The following TRIM42 variants were observed in gnomAD, a reference collection of about 807,000 sequenced individuals.
TRIM42 encodes the protein tripartite motif-containing protein 42.
A neutral mutation model predicts 64.9 loss-of-function variants in TRIM42; 59 were observed. The observed-to-expected ratio is 0.91, with a 90% CI of 0.74 to 1.13. The LOEUF is 1.13. Ranked by LOEUF, TRIM42 falls within the 50% of genes most tolerant of loss-of-function variation. The pLI, the probability that TRIM42 is intolerant of heterozygous loss-of-function variation, is 0.00. For missense variants in TRIM42, 878 were observed against 929.5 expected (o/e 0.94, Z 0.72); for synonymous variants, 354 against 346.3 (o/e 1.02, Z -0.25).
intron 4 of TRIM42, among the ~76,000 whole-genome samples, chr3:140,699,719 G>A (rs912790818): frequency 1.3e-5 from 2 of 152,022 alleles, no homozygotes; most frequent in African/African-American, 4.8e-5. Flanking sequence ...GTGTATCTTG[G>A]ACATTATTTA....
In TRIM42 at chr3:140,682,526, G is replaced by A. The variant is rs762886107; in HGVS notation, c.406G>A (p.Ala136Thr). The A allele has an allele frequency of 6.2e-7, 1 of 1,614,198 alleles. No homozygotes were observed. Among genetic ancestry groups the A allele is most frequent in the South Asian group, 1.1e-5 (1 of 91,084 alleles). Residue 136 changes from alanine (A) to threonine (T), a missense_variant, in exon 2 of 5, where the codon GCC (alanine) becomes ACC (threonine). Coordinates refer to ENST00000286349, the MANE Select transcript of TRIM42 (RefSeq NM_152616.5). ...GGTGGATGAAGTAAAGTCAATACCA[G>A]CCAACAGTCACCTGGTGAACCACCT... ...TQVDEVKSIP[A>T]NSHLVNHLNC... is the part of the protein sequence containing the mutation.
At chr3:140,683,713 T>G (rs184632580) in intron 2 of TRIM42, among the ~76,000 whole-genome samples, 5 of 152,338 alleles carry the variant, frequency 3.3e-5, no homozygotes, top group Admixed American at 2.0e-4. Flanking sequence ...AACTTGCAGA[T>G]GCCAAAGTAA....
rs201744144 is a variant in TRIM42 at position 140,682,701 on chromosome 3, C to T, written c.581C>T (p.Ser194Leu). ...CTCATCTGCCCAGTGTGCGACCGCT[C>T]GCACTGCATGCCCTACAGCAACAAG... Reference protein sequence around the residue: ...FILICPVCDRSHCMPYSNKMQ... With the variant: ...FILICPVCDRLHCMPYSNKMQ... Residue 194 changes from serine (S) to leucine (L), a missense_variant, in exon 2 of 5, where the codon TCG (serine) becomes TTG (leucine). Transcript: ENST00000286349. 2 of 1,612,624 alleles carry T rather than the reference C, an allele frequency of 1.2e-6. No individual in the cohort carries two copies. Among genetic ancestry groups the T allele is most frequent in the Admixed American group, 1.7e-5 (1 of 60,008 alleles).
intron 4 of TRIM42, among the ~76,000 whole-genome samples, chr3:140,696,063 T>A (rs1353765414): frequency 6.6e-6 from 1 of 152,198 alleles, no homozygotes; most frequent in Non-Finnish European, 1.5e-5. Context: ...CCTGATTTCT[T>A]TTTAACCTCA....
At chr3:140,684,889 A>G (rs1190489375) in intron 2 of TRIM42, among the ~76,000 whole-genome samples, 2 of 152,106 alleles carry the variant, frequency 1.3e-5, no homozygotes, top group East Asian at 3.9e-4. Flanking sequence ...TCTGTAGAGA[A>G]CCTCGTCCTT....
chr3:140,684,379 C>T (rs911698952), intron 2 of TRIM42, among the ~76,000 whole-genome samples: 7 of 152,220 alleles, frequency 4.6e-5, no homozygotes, highest in African/African-American at 1.7e-4. Flanking sequence ...CATCCATGGT[C>T]TGTTTCCTTA....
chr3:140,691,407 T>G (rs1367343806), intron 4 of TRIM42, among the ~76,000 whole-genome samples: 1 of 152,178 alleles, frequency 6.6e-6, no homozygotes, highest in Non-Finnish European at 1.5e-5. Flanking sequence ...TCAAAAACAT[T>G]TGTTCTAGGC....
intron 2 of TRIM42, 30 bp downstream of exon 2, chr3:140,683,189 A>T (rs1302982836): frequency 3.1e-6 from 5 of 1,608,440 alleles, no homozygotes; most frequent in Non-Finnish European, 4.3e-6. Flanking sequence ...CTTCAGCCTA[A>T]CTTCTAGTTC....
chr3:140,682,557 G>T lies in TRIM42; in HGVS notation c.437G>T (p.Cys146Phe). Residue 146 changes from cysteine (C) to phenylalanine (F), a missense_variant, in exon 2 of 5, where the codon TGC becomes TTC. By Grantham distance (205) the Cys-to-Phe change is radical. Transcript: ENST00000286349. ...ANSHLVNHLN[C>F]PMCSRLRLHS... ...AGTCACCTGGTGAACCACCTCAATT[G>T]CCCCATGTGCAGCCGGCTGCGCCTG... 1 of 1,614,208 alleles carries T rather than the reference G, an allele frequency of 6.2e-7. No individual in the cohort carries two copies.
At position 140,682,758 on chromosome 3, in the gene TRIM42, G is replaced by A. The variant is rs777678502; in HGVS notation, c.638G>A (p.Arg213His). 3.7e-6 allele frequency: 6 copies of A among 1,612,996 alleles called. No individual in the cohort carries two copies. The highest frequency in any genetic ancestry group is 2.2e-5 in the East Asian group (1 of 44,886). Residue 213 changes from arginine (R) to histidine (H), a missense_variant, in exon 2 of 5, where the codon CGT becomes CAT. By Grantham distance (29) the Arg-to-His change is conservative. Transcript: ENST00000286349. Reference sequence around the variant, plus strand: ...CTGCCCGAGAACTACCTGCACGGGCGTCTCACCAAGCGCTACATGCAGGAG... The same window carrying A: ...CTGCCCGAGAACTACCTGCACGGGCATCTCACCAAGCGCTACATGCAGGAG... ...MQLPENYLHGRLTKRYMQEHG... is the reference protein window; with the variant it reads ...MQLPENYLHGHLTKRYMQEHG...
intron 4 of TRIM42, among the ~76,000 whole-genome samples, chr3:140,696,913 G>T (rs542345783): frequency 6.6e-6 from 1 of 152,086 alleles, no homozygotes; most frequent in Non-Finnish European, 1.5e-5. Context: ...GGTGCAATTC[G>T]CCCCATATTA....
In TRIM42 at chr3:140,684,363, C is replaced by T. The variant is rs372256986; in HGVS notation, c.1039+1204C>T. On this transcript the variant is annotated intron_variant, in intron 2 of 4. Transcript: ENST00000286349. Reference sequence around the variant, plus strand: ...TTGAAGGGGAGGGAAGGGGAACCACCACTACCATCCATGGTCTGTTTCCTT... The same window carrying T: ...TTGAAGGGGAGGGAAGGGGAACCACTACTACCATCCATGGTCTGTTTCCTT... 3.9e-5 allele frequency among the ~76,000 whole-genome samples: 6 copies of T among 152,304 alleles called. No homozygotes were observed. The East Asian group carries it at 1.2e-3, about 29-fold the overall frequency.
In TRIM42 at chr3:140,682,739, G is replaced by A. The variant is rs200221279; in HGVS notation, c.619G>A (p.Glu207Lys). 1.7e-5 allele frequency: 28 copies of A among 1,612,830 alleles called. No homozygotes were observed. Among genetic ancestry groups the A allele is most frequent in the South Asian group, 1.1e-5 (1 of 91,080 alleles). Residue 207 changes from glutamate to lysine, a missense_variant, in exon 2 of 5, where the codon GAG (glutamate) becomes AAG (lysine). Coordinates refer to ENST00000286349, the MANE Select transcript of TRIM42 (RefSeq NM_152616.5). ...MPYSNKMQLP[E>K]NYLHGRLTKR... ...CTACAGCAACAAGATGCAGCTGCCC[G>A]AGAACTACCTGCACGGGCGTCTCAC...
rs557958563 is a variant in TRIM42 at position 140,679,680 on chromosome 3, A to C, written c.341+1110A>C. Among the ~76,000 whole-genome samples, 37 of 152,284 alleles carry C rather than the reference A, an allele frequency of 2.4e-4. 1 individual carries two copies. The East Asian group carries it at 5.6e-3, about 23-fold the overall frequency. Reference sequence around the variant, plus strand: ...GATGCAAGTCTAGAAATCCTAAAACATGGAAAATTGTGTCCACACTCCTCT... The same window carrying C: ...GATGCAAGTCTAGAAATCCTAAAACCTGGAAAATTGTGTCCACACTCCTCT... On this transcript the variant is annotated intron_variant, in intron 1 of 4. Coordinates refer to ENST00000286349, the MANE Select transcript of TRIM42 (RefSeq NM_152616.5).
chr3:140,693,909 A>C (rs1475943134), intron 4 of TRIM42, among the ~76,000 whole-genome samples: 1 of 152,226 alleles, frequency 6.6e-6, no homozygotes, highest in African/African-American at 2.4e-5. Flanking sequence ...CATTATCACT[A>C]ATCATCCCAA....
chr3:140,682,632 G>C lies in TRIM42; in HGVS notation c.512G>C (p.Arg171Pro). ...CNHSLCEKCL[R>P]QLQKHAEVTE... ...CACAGCCTGTGCGAGAAGTGCCTGC[G>C]GCAGCTGCAGAAGCACGCCGAGGTC... Residue 171 changes from arginine to proline, a missense_variant, in exon 2 of 5, where the codon CGG becomes CCG. Physicochemically the swap from Arg to Pro is moderately radical, Grantham distance 103. Transcript: ENST00000286349. 1 of 1,614,018 alleles carries C rather than the reference G, an allele frequency of 6.2e-7. No homozygotes were observed. The highest frequency in any genetic ancestry group is 1.6e-4 in the Middle Eastern group (1 of 6,062).
intron 4 of TRIM42, among the ~76,000 whole-genome samples, chr3:140,699,889 G>C (rs1988954309): frequency 1.3e-5 from 2 of 152,032 alleles, no homozygotes; most frequent in African/African-American, 4.8e-5. Context: ...TGCTAATAAG[G>C]GTCTGGCTTC....
Position 140,687,709 on chromosome 3 carries a change from G to T in TRIM42, c.1040-13G>T. The T allele has an allele frequency of 6.3e-7, 1 of 1,583,904 alleles. No homozygotes were observed. The highest frequency in any genetic ancestry group is 1.2e-5 in the South Asian group (1 of 85,732). On this transcript the variant is annotated splice_polypyrimidine_tract_variant and intron_variant, in intron 2 of 4. Transcript: ENST00000286349. ...TGAAAATTTTAAAAGTAACTAACTT[G>T]GCATTTTTGCAGTCCGATATGAAAT...
intron 1 of TRIM42, among the ~76,000 whole-genome samples, chr3:140,681,740 T>C (rs1423397624): frequency 6.6e-6 from 1 of 152,102 alleles, no homozygotes; most frequent in African/African-American, 2.4e-5. Context: ...TGGGAAAGTG[T>C]AAGGTACCTT....
Sources: gnomAD v4.1 joint callset for allele counts (sites outside exome capture counted in the v4.1 genomes callset) on GRCh38, gnomAD v4.1.1 for gene constraint, MANE v1.5 for transcripts, NCBI Gene and HGNC (gene_info 2026-07-23, HGNC 2026-07-21) for gene names.